ABCC9: variants seen among roughly 807,000 people sequenced by gnomAD.
ABCC9 encodes ATP-binding cassette sub-family C member 9.
Under a neutral mutation model 188.3 loss-of-function variants are expected in ABCC9, and 95 were observed. The observed-to-expected ratio is 0.50, with a 90% CI of 0.43 to 0.60. ABCC9 has a LOEUF of 0.60. ABCC9 is among the 20% of genes least tolerant of loss of function. ABCC9 has a pLI of 0.00. For synonymous variants in ABCC9, 659 were observed against 652.7 expected (o/e 1.01, Z -0.15); for missense variants, 1,102 against 1,876.3 (o/e 0.59, Z 7.62).
intron 17 of ABCC9, among the ~76,000 whole-genome samples, chr12:21,874,016 C>G (rs1346443315): frequency 6.6e-6 from 1 of 151,896 alleles, no homozygotes; most frequent in Non-Finnish European, 1.5e-5. Context: ...AGAACCACAT[C>G]AAACTAAAGA....
chr12:21,867,898 T>C (rs1454668359), intron 18 of ABCC9, among the ~76,000 whole-genome samples: 3 of 151,814 alleles, frequency 2.0e-5, no homozygotes, highest in African/African-American at 7.3e-5. Context: ...TTAAAAAGCA[T>C]TCTGGACACT....
At position 21,861,416 on chromosome 12, in the gene ABCC9, G is replaced by C. The variant is rs576438815; in HGVS notation, c.2340-361C>G. On this transcript the variant is annotated intron_variant, in intron 20 of 39. Coordinates refer to ENST00000261200, the MANE Select transcript of ABCC9 (RefSeq NM_020297.4). ...CAGCTAATTATTTTGCATTTTAGTAGAGACAGGGTTTCACCATGTTGCCCA... is the reference window on the plus strand; with the variant it reads ...CAGCTAATTATTTTGCATTTTAGTACAGACAGGGTTTCACCATGTTGCCCA... 8.2e-4 allele frequency among the ~76,000 whole-genome samples: 125 copies of C among 152,062 alleles called. 1 individual carries two copies. Among genetic ancestry groups the C allele is most frequent in the Non-Finnish European group, 1.1e-3 (75 of 67,976 alleles).
rs2137851181 is a variant in ABCC9, at chr12:21,908,086, T to C, written c.1446A>G (p.Lys482=). 5.6e-6 allele frequency: 9 copies of C among 1,612,378 alleles called. No homozygotes were observed. The highest frequency in any genetic ancestry group is 7.6e-6 in the Non-Finnish European group (9 of 1,178,836). ...FIATKLAEAQ[K]STLDYSTERL... Reference sequence around the variant, plus strand: ...AAAAGATGTTACTTACAAGTGTACTTTTCTGAGCCTCTGCCAACTTTGTAG... The same window carrying C: ...AAAAGATGTTACTTACAAGTGTACTCTTCTGAGCCTCTGCCAACTTTGTAG... Residue 482 remains lysine (K), a synonymous_variant, in exon 11 of 40, where the codon AAA becomes AAG. Coordinates refer to ENST00000261200, the MANE Select transcript of ABCC9 (RefSeq NM_020297.4).
Position 21,844,523 on chromosome 12 carries a change from A to C in ABCC9, c.3275T>G (p.Ile1092Ser), listed in dbSNP as rs182158174. ...RFFDTTPLGL[I>S]LNRFSADTNI... ...AGTATCAGCTGAAAAGCGATTGAGA[A>C]TCAGTCCCAGGGGTGTGGTATCAAA... is the stretch of plus-strand genomic sequence containing the variant. Residue 1092 changes from isoleucine (I) to serine (S), a missense_variant, in exon 28 of 40, where the codon ATT (isoleucine) becomes AGT (serine). Coordinates refer to ENST00000261200, the MANE Select transcript of ABCC9 (RefSeq NM_020297.4). The C allele has an allele frequency of 2.2e-5, 36 of 1,613,724 alleles. No homozygotes were observed. Among genetic ancestry groups the C allele is most frequent in the Admixed American group, 6.7e-5 (4 of 59,992 alleles).
chr12:21,836,892 A>T (rs1944130653), intron 30 of ABCC9, among the ~76,000 whole-genome samples: 1 of 152,204 alleles, frequency 6.6e-6, no homozygotes, highest in African/African-American at 2.4e-5. Flanking sequence ...AAAGGAAATA[A>T]AAAGGACAAC....
intron 2 of ABCC9, among the ~76,000 whole-genome samples, chr12:21,939,560 A>C (rs749348457): frequency 3.9e-5 from 6 of 152,296 alleles, no homozygotes; most frequent in Middle Eastern, 6.8e-3. Context: ...TTGCTGGCTA[A>C]ACTCTGTCAC....
intron 3 of ABCC9, among the ~76,000 whole-genome samples, chr12:21,935,627 A>G (rs1436838142): frequency 6.6e-6 from 1 of 152,138 alleles, no homozygotes; most frequent in Non-Finnish European, 1.5e-5. Flanking sequence ...AATTGAACAC[A>G]ATCAACTCAA....
At chr12:21,845,499 G>T (rs2137393791) in intron 26 of ABCC9, 104 bp downstream of exon 26, 1 of 848,812 alleles carries the variant, frequency 1.2e-6, no homozygotes, top group East Asian at 2.6e-5. Flanking sequence ...TATCACAGAA[G>T]TCCTATGGCA....
Position 21,864,515 on chromosome 12 carries a change from T to C in ABCC9, c.2199-38A>G, listed in dbSNP as rs540239615. ...CAAACAATGTTCATTAATTATGAAGTAGAAATATAGAACCAATGTGCATAC... is the reference window on the plus strand; with the variant it reads ...CAAACAATGTTCATTAATTATGAAGCAGAAATATAGAACCAATGTGCATAC... On this transcript the variant is annotated intron_variant, in intron 18 of 39. Transcript: ENST00000261200. 2.0e-5 allele frequency: 29 copies of C among 1,428,528 alleles called. No homozygotes were observed. The South Asian group carries it at 2.6e-4, about 13-fold the overall frequency. The allele number at this position is 1,428,528 out of a possible 1,614,324, so 88.5% of individuals were successfully genotyped here.
chr12:21,867,037 T>G (rs1214907347), intron 18 of ABCC9, among the ~76,000 whole-genome samples: 2 of 152,138 alleles, frequency 1.3e-5, no homozygotes, highest in Non-Finnish European at 1.5e-5. Context: ...GGATCTTCAC[T>G]TCTGAAAACC....
Position 21,936,608 on chromosome 12 carries a change from A to T in ABCC9, c.67T>A (p.Ser23Thr), listed in dbSNP as rs1949497438. ...YNINDGVLQN[S>T]CFVDALNLVP... ...AGGTTGAGGGCATCCACAAAGCAGG[A>T]ATTTTGTAGTACACCATCGTTGATA... The change falls in exon 3 of 40, where the codon TCC (serine) becomes ACC (threonine). Residue 23 changes from serine to threonine, a missense_variant. This residue lies in a region of ABCC9 where 305 missense variants were observed against 573.0 expected (regional missense o/e 0.53). Transcript: ENST00000261200. 2.5e-6 allele frequency: 4 copies of T among 1,612,014 alleles called. No homozygotes were observed. Among genetic ancestry groups the T allele is most frequent in the African/African-American group, 1.3e-5 (1 of 74,874 alleles).
Position 21,815,892 on chromosome 12 carries a change from A to T in ABCC9, c.3894T>A (p.Asp1298Glu), listed in dbSNP as rs1411910709. Residue 1298 changes from aspartate (D) to glutamate (E), a missense_variant and splice_region_variant, in exon 34 of 40, where the codon GAT becomes GAA. Coordinates refer to ENST00000261200, the MANE Select transcript of ABCC9 (RefSeq NM_020297.4). ...MESENYEGTM[D>E]PSQVPEHWPQ... ...GCCAATGTTCTGGAACTTGAGAAGG[A>T]TCTGGAGGATGGGATGGGGAAATAG... 2 of 1,612,746 alleles carry T rather than the reference A, an allele frequency of 1.2e-6. No homozygotes were observed. Among genetic ancestry groups the T allele is most frequent in the African/African-American group, 2.7e-5 (2 of 74,834 alleles).
At chr12:21,872,774 C>G in intron 17 of ABCC9, 44 bp from the exon 18 acceptor site, 1 of 1,403,604 alleles carries the variant, frequency 7.1e-7, no homozygotes, top group Non-Finnish European at 1.0e-6. Flanking sequence ...GAGATGGATT[C>G]TTGGTGAAAT....
At chr12:21,932,781 T>C (rs1304422785) in intron 4 of ABCC9, among the ~76,000 whole-genome samples, 1 of 152,014 alleles carries the variant, frequency 6.6e-6, no homozygotes, top group Non-Finnish European at 1.5e-5. Flanking sequence ...TTATGCACCA[T>C]TTGTTGGAGT....
rs1338146740 is a variant in ABCC9, at chr12:21,915,498, G to GTATATATA, written c.816+169_816+170insTATATATA. On this transcript the variant is annotated intron_variant, in intron 7 of 39. Transcript: ENST00000261200. ...TATATATGTGTGTGTGTGTGTGTGT[G>GTATATATA]TGTATATATATATATATTTTTTTTT... Among the ~76,000 whole-genome samples, 2 of 8,906 alleles carry GTATATATA rather than the reference G, an allele frequency of 2.2e-4. 1 individual carries two copies. Among genetic ancestry groups the GTATATATA allele is most frequent in the Admixed American group, 4.8e-3 (2 of 414 alleles). The allele number at this position is 8,906 out of a possible 152,430, so 5.8% of individuals were successfully genotyped here. A position where few individuals can be genotyped will look rare whatever the true frequency, so the allele number is the denominator to read the frequency against.
At chr12:21,904,091 A>G (rs1361681010) in intron 12 of ABCC9, among the ~76,000 whole-genome samples, 8 of 152,216 alleles carry the variant, frequency 5.3e-5, no homozygotes, top group African/African-American at 1.9e-4. Flanking sequence ...ATATAGACCA[A>G]TGGAACAGAA....
intron 4 of ABCC9, among the ~76,000 whole-genome samples, chr12:21,933,524 TC>T (rs998595140): frequency 6.6e-6 from 1 of 152,060 alleles, no homozygotes; most frequent in African/African-American, 2.4e-5. Flanking sequence ...AATGGAAAAA[TC>T]TGAGAAATAA....
Position 21,895,503 on chromosome 12 carries a change from C to T in ABCC9, c.1619-188G>A, listed in dbSNP as rs1947355646. On this transcript the variant is annotated intron_variant, in intron 12 of 39. Transcript: ENST00000261200. ...ACTTGTGTGCAGTTTTATGAGTTCCCATACATTAGTCTTAACCAGTTTCTG... is the reference window on the plus strand; with the variant it reads ...ACTTGTGTGCAGTTTTATGAGTTCCTATACATTAGTCTTAACCAGTTTCTG... 2.0e-5 allele frequency among the ~76,000 whole-genome samples: 3 copies of T among 152,146 alleles called. No homozygotes were observed. In the South Asian group the frequency reaches 6.2e-4, roughly 32 times the overall value.
At position 21,801,121 on chromosome 12, in the gene ABCC9, A is replaced by C; in HGVS notation, c.4573T>G (p.Leu1525Val). The change falls in exon 40 of 40, where the codon TTA becomes GTA. Residue 1525 changes from leucine to valine, a missense_variant. By Grantham distance (32) the Leu-to-Val change is conservative. Around this residue, in one of 12 missense-constraint regions of ABCC9, gnomAD observed 30 missense variants for 34.3 expected, o/e 0.87. Transcript: ENST00000261200. ...LVIVMKRGNI[L>V]EYDTPESLLA... ...AGGCTTTCTGGAGTGTCATATTCTA[A>C]AATATTTCCTCGCTTCATCACAATA... The C allele has an allele frequency of 1.2e-6, 2 of 1,614,064 alleles. No individual in the cohort carries two copies. Among genetic ancestry groups the C allele is most frequent in the Non-Finnish European group, 1.7e-6 (2 of 1,179,948 alleles).
Sources: gnomAD v4.1 joint callset for allele counts (sites outside exome capture counted in the v4.1 genomes callset) on GRCh38, gnomAD v4.1.1 for gene constraint, gnomAD v4.1.1 regional missense constraint, MANE v1.5 for transcripts, NCBI Gene and HGNC (gene_info 2026-07-23, HGNC 2026-07-21) for gene names.